Variants in SERGEF observed in about 807,000 individuals in gnomAD.
SERGEF encodes secretion regulating guanine nucleotide exchange factor, also known as secretion-regulating guanine nucleotide exchange factor.
SERGEF carries 51 observed loss-of-function variants against 50.0 expected under a neutral mutation model. The ratio of observed to expected loss-of-function variants is 1.02; its 90% CI spans 0.81 to 1.29. The LOEUF is 1.29. Ranked by LOEUF, SERGEF falls within the 50% of genes most tolerant of loss-of-function variation. SERGEF has a pLI of 0.00. For missense variants in SERGEF, 521 were observed against 557.0 expected, an observed-to-expected ratio of 0.94 and a Z score of 0.65; for synonymous variants, 205 against 212.4, an observed-to-expected ratio of 0.97 and a Z score of 0.30.
At chr11:17,847,412 G>C (rs1446804717) in intron 10 of SERGEF, among the ~76,000 whole-genome samples, 2 of 152,220 alleles carry the variant, frequency 1.3e-5, no homozygotes, top group African/African-American at 4.8e-5. Flanking sequence ...AAGTCTGACA[G>C]AACTGAATTG....
intron 8 of SERGEF, among the ~76,000 whole-genome samples, chr11:17,987,865 C>CT (rs1853632822): frequency 6.6e-6 from 1 of 152,168 alleles, no homozygotes; most frequent in African/African-American, 2.4e-5. Context: ...GCTCAGAATA[C>CT]TTTGACATGA....
chr11:17,815,870 C>T (rs1348411962), intron 10 of SERGEF, among the ~76,000 whole-genome samples: 1 of 152,086 alleles, frequency 6.6e-6, no homozygotes, highest in African/African-American at 2.4e-5. Flanking sequence ...TGCAGTGATC[C>T]CAGATTGCGC....
At chr11:17,971,006 A>G (rs1046481051) in intron 8 of SERGEF, among the ~76,000 whole-genome samples, 3 of 152,168 alleles carry the variant, frequency 2.0e-5, no homozygotes, top group Non-Finnish European at 4.4e-5. Context: ...CATCCTGGCT[A>G]ACATGGTGAA....
At chr11:17,864,896 A>G (rs1850993483) in intron 10 of SERGEF, among the ~76,000 whole-genome samples, 1 of 152,210 alleles carries the variant, frequency 6.6e-6, no homozygotes, top group Non-Finnish European at 1.5e-5. Flanking sequence ...TAGCAACAGG[A>G]CCCAGGAAGG....
intron 10 of SERGEF, among the ~76,000 whole-genome samples, chr11:17,871,875 C>T (rs563652436): frequency 2.6e-5 from 4 of 152,186 alleles, no homozygotes; most frequent in East Asian, 1.9e-4. Context: ...AACACTGTTG[C>T]GCAGTATTTA....
intron 8 of SERGEF, among the ~76,000 whole-genome samples, chr11:17,983,870 G>T (rs1209207444): frequency 6.6e-6 from 1 of 151,894 alleles, no homozygotes; most frequent in African/African-American, 2.4e-5. Flanking sequence ...TGAAGAAGAG[G>T]TGCATGGATA....
At chr11:17,907,906 C>A (rs1851880003) in intron 9 of SERGEF, among the ~76,000 whole-genome samples, 1 of 152,120 alleles carries the variant, frequency 6.6e-6, no homozygotes, top group Non-Finnish European at 1.5e-5. Flanking sequence ...AAGGGTAAGA[C>A]AAAATAGCAT....
chr11:17,979,784 T>C (rs946819280), intron 8 of SERGEF, among the ~76,000 whole-genome samples: 1 of 152,188 alleles, frequency 6.6e-6, no homozygotes, highest in Non-Finnish European at 1.5e-5. Context: ...GCCTCTATCA[T>C]CGCACATCTG....
chr11:17,869,601 G>A (rs914668000), intron 10 of SERGEF, among the ~76,000 whole-genome samples: 11 of 152,226 alleles, frequency 7.2e-5, no homozygotes, highest in African/African-American at 2.2e-4. Context: ...AAGCTCCCTT[G>A]GACCTCTTTT....
intron 10 of SERGEF, among the ~76,000 whole-genome samples, chr11:17,856,955 G>T (rs1850832507): frequency 6.6e-6 from 1 of 152,160 alleles, no homozygotes; most frequent in South Asian, 2.1e-4. Flanking sequence ...GAAACGAAAG[G>T]AAACATGTCT....
intron 8 of SERGEF, among the ~76,000 whole-genome samples, chr11:17,986,181 T>A (rs946941142): frequency 6.6e-6 from 1 of 152,176 alleles, no homozygotes; most frequent in African/African-American, 2.4e-5. Context: ...TTATTCCCAT[T>A]AATGTGAGTG....
intron 9 of SERGEF, among the ~76,000 whole-genome samples, chr11:17,904,684 T>C (rs528079270): frequency 7.2e-5 from 11 of 152,346 alleles, no homozygotes; most frequent in African/African-American, 1.9e-4. Flanking sequence ...CTTCTCCCTC[T>C]TTCTTTATTT....
chr11:17,805,600 G>T (rs1339255730), intron 10 of SERGEF, among the ~76,000 whole-genome samples: 1 of 152,110 alleles, frequency 6.6e-6, no homozygotes, highest in Non-Finnish European at 1.5e-5. Flanking sequence ...TAAGTGACAG[G>T]GTCATGACCA....
intron 9 of SERGEF, among the ~76,000 whole-genome samples, chr11:17,927,620 T>C (rs2133944808): frequency 6.6e-6 from 1 of 152,316 alleles, no homozygotes; most frequent in East Asian, 1.9e-4. Flanking sequence ...CTTTGTAAAG[T>C]CACAGTCTCA....
chr11:17,952,448 G>A (rs1365067153), intron 9 of SERGEF, among the ~76,000 whole-genome samples: 1 of 152,104 alleles, frequency 6.6e-6, no homozygotes, highest in Non-Finnish European at 1.5e-5. Flanking sequence ...CTTCTTGTCA[G>A]AACTGGCCCC....
At chr11:17,918,274 C>G (rs934882839) in intron 9 of SERGEF, among the ~76,000 whole-genome samples, 4 of 152,296 alleles carry the variant, frequency 2.6e-5, no homozygotes, top group South Asian at 2.1e-4. Context: ...AAATGTTTTT[C>G]TAAGTCAGAT....
chr11:17,972,317 A>G (rs950614943), intron 8 of SERGEF, among the ~76,000 whole-genome samples: 11 of 152,240 alleles, frequency 7.2e-5, no homozygotes, highest in African/African-American at 2.7e-4. Flanking sequence ...GGAAGAGTTC[A>G]ACTGATGTGG....
intron 8 of SERGEF, among the ~76,000 whole-genome samples, chr11:17,977,328 C>T (rs1853398225): frequency 1.3e-5 from 2 of 152,010 alleles, no homozygotes; most frequent in Admixed American, 6.6e-5. Context: ...TGGACAAGAA[C>T]CAATGGAAGT....
At position 17,888,544 on chromosome 11, in the gene SERGEF, C is replaced by T. The variant is rs1851472024; in HGVS notation, c.1012-10300G>A. On this transcript the variant is annotated intron_variant, in intron 9 of 10. Coordinates refer to ENST00000265965, the MANE Select transcript of SERGEF (RefSeq NM_012139.4). This position sits in a 1 kb window ranked among gnomAD's most constrained non-coding sequence, Gnocchi z 4.1. ...GAATGCTCACTGTAGTTGAAGGAAA[C>T]ACAAATATAGAATGAGAGAAGGCAA... is the stretch of plus-strand genomic sequence containing the variant. Among the ~76,000 whole-genome samples, 1 of 151,762 alleles carries T rather than the reference C, an allele frequency of 6.6e-6. No individual in the cohort carries two copies. Among genetic ancestry groups the T allele is most frequent in the Non-Finnish European group, 1.5e-5 (1 of 67,998 alleles).
Sources: gnomAD v4.1 joint callset for allele counts (sites outside exome capture counted in the v4.1 genomes callset) on GRCh38, gnomAD v4.1.1 for gene constraint, Gnocchi (gnomAD v3.1) non-coding constraint, MANE v1.5 for transcripts, NCBI Gene and HGNC (gene_info 2026-07-23, HGNC 2026-07-21) for gene names.